The following CSMD1 variants were observed in gnomAD, a reference collection of about 807,000 sequenced individuals.
CSMD1 encodes CUB and sushi domain-containing protein 1.
In CSMD1, 213 loss-of-function variants were observed where a neutral mutation model predicts 417.5. That is an observed-to-expected ratio of 0.51 (90% CI 0.46 to 0.57). The LOEUF (loss-of-function observed/expected upper bound fraction) is 0.57, where lower values mean the gene tolerates loss of function less well. CSMD1 is among the 20% of genes least tolerant of loss of function. CSMD1 has a pLI of 0.00. For missense variants in CSMD1, 6,923 were observed against 4,529.7 expected (o/e 1.53, Z -15.17); for synonymous variants, 2,862 against 1,736.8 (o/e 1.65, Z -16.11).
At chr8:4,329,138 T>C (rs577670331) in intron 3 of CSMD1, among the ~76,000 whole-genome samples, 6 of 152,320 alleles carry the variant, frequency 3.9e-5, no homozygotes, top group African/African-American at 1.4e-4. Context: ...AAACGTGTGT[T>C]ATCTGTCTTG....
chr8:3,597,262 G>A (rs777698319), intron 8 of CSMD1, among the ~76,000 whole-genome samples: 6 of 152,108 alleles, frequency 3.9e-5, no homozygotes, highest in African/African-American at 1.4e-4. Context: ...TAGAGGCACC[G>A]GTGAGACAGA....
chr8:2,956,677 C>T (rs928521127), intron 63 of CSMD1, among the ~76,000 whole-genome samples: 13 of 151,886 alleles, frequency 8.6e-5, no homozygotes, highest in Non-Finnish European at 1.5e-4. Context: ...AGGATGGTCT[C>T]GATCTCCTGA....
chr8:3,583,441 A>G (rs1387877896), intron 9 of CSMD1, among the ~76,000 whole-genome samples: 1 of 151,960 alleles, frequency 6.6e-6, no homozygotes, highest in East Asian at 1.9e-4. Flanking sequence ...AAAGAGCTAG[A>G]GATATTCCTG....
chr8:3,390,249 G>A (rs1811266718), intron 17 of CSMD1, among the ~76,000 whole-genome samples: 1 of 150,922 alleles, frequency 6.6e-6, no homozygotes, highest in Non-Finnish European at 1.5e-5. Flanking sequence ...CAGCTACTTG[G>A]GAGGCTGAGT....
chr8:3,871,636 A>C (rs928290766), intron 5 of CSMD1, among the ~76,000 whole-genome samples: 4 of 152,078 alleles, frequency 2.6e-5, no homozygotes, highest in African/African-American at 9.7e-5. Context: ...ATTTTTTCTC[A>C]CTTTACCATT....
At chr8:4,263,536 G>A (rs924950496) in intron 3 of CSMD1, among the ~76,000 whole-genome samples, 2 of 152,076 alleles carry the variant, frequency 1.3e-5, no homozygotes, top group African/African-American at 2.4e-5. Context: ...CTTGATATTA[G>A]CTACTTTGAT....
At chr8:3,394,835 G>C (rs189217770) in intron 17 of CSMD1, among the ~76,000 whole-genome samples, 1 of 152,082 alleles carries the variant, frequency 6.6e-6, no homozygotes, top group South Asian at 2.1e-4. Context: ...AGCAAATGTT[G>C]TATATCTATA....
chr8:3,815,144 C>G (rs1057440922), intron 5 of CSMD1, among the ~76,000 whole-genome samples: 7 of 152,012 alleles, frequency 4.6e-5, no homozygotes, highest in African/African-American at 1.4e-4. Context: ...AGTATTTCTC[C>G]CAGATATAGG....
At chr8:4,645,807 A>G (rs750106309) in intron 1 of CSMD1, among the ~76,000 whole-genome samples, 2 of 152,144 alleles carry the variant, frequency 1.3e-5, no homozygotes, top group African/African-American at 2.4e-5. Context: ...TGTCCTTTAG[A>G]TTCCGGGACA....
intron 3 of CSMD1, among the ~76,000 whole-genome samples, chr8:4,273,653 C>T (rs1160534481): frequency 6.6e-6 from 1 of 152,060 alleles, no homozygotes; most frequent in Non-Finnish European, 1.5e-5. Flanking sequence ...TAATAGAGAG[C>T]AGTAATCTGT....
intron 26 of CSMD1, among the ~76,000 whole-genome samples, chr8:3,249,755 GT>G (rs5888955): frequency 0.81 from 123,202 of 152,000 alleles, 50,727 homozygotes; most frequent in Non-Finnish European, 0.89. Flanking sequence ...GTTTATTTCC[GT>G]TTTTTTTAAA....
intron 5 of CSMD1, among the ~76,000 whole-genome samples, chr8:3,962,919 A>C (rs1026551991): frequency 3.3e-5 from 5 of 152,154 alleles, no homozygotes; most frequent in African/African-American, 1.2e-4. Context: ...TTTTTCCACA[A>C]AACTTTTCAC....
At chr8:3,727,774 ATT>A (rs956705515) in intron 6 of CSMD1, among the ~76,000 whole-genome samples, 14 of 152,336 alleles carry the variant, frequency 9.2e-5, no homozygotes, top group African/African-American at 3.1e-4. Context: ...ATCGGTTATA[ATT>A]TAGTCTTAAA....
chr8:4,911,965 C>G (rs1019050656), intron 1 of CSMD1, among the ~76,000 whole-genome samples: 1 of 151,648 alleles, frequency 6.6e-6, no homozygotes. Flanking sequence ...CCAGAAAGTT[C>G]AGTTTAATAA....
chr8:4,299,305 A>G (rs1797855115), intron 3 of CSMD1, among the ~76,000 whole-genome samples: 2 of 152,174 alleles, frequency 1.3e-5, no homozygotes, highest in South Asian at 4.1e-4. Context: ...CATCACCCCC[A>G]GAGAACGCAC....
intron 3 of CSMD1, among the ~76,000 whole-genome samples, chr8:4,221,665 G>A (rs1021768824): frequency 1.2e-4 from 19 of 152,138 alleles, no homozygotes; most frequent in African/African-American, 3.1e-4. Flanking sequence ...TACTTGACAG[G>A]AGAGGCACTG....
chr8:4,851,962 T>C (rs1346976907), intron 1 of CSMD1, among the ~76,000 whole-genome samples: 2 of 152,134 alleles, frequency 1.3e-5, no homozygotes, highest in African/African-American at 4.8e-5. Context: ...AAACCACTAG[T>C]CTAAGTTTTT....
At chr8:4,672,071 G>T (rs1805366199) in intron 1 of CSMD1, among the ~76,000 whole-genome samples, 2 of 152,170 alleles carry the variant, frequency 1.3e-5, no homozygotes, top group Non-Finnish European at 2.9e-5. Flanking sequence ...GAAAGATAGA[G>T]TTTCCTTTAA....
intron 10 of CSMD1, chr8:3,515,356 T>C (rs904348752): frequency 6.6e-6 from 1 of 152,242 alleles, no homozygotes; most frequent in Non-Finnish European, 1.5e-5. Context: ...AGATCACCAC[T>C]GTGCAAGATC....
Sources: allele counts gnomAD v4.1 joint callset (sites outside exome capture counted in the v4.1 genomes callset), GRCh38; gene constraint gnomAD v4.1.1; transcripts MANE v1.5; gene names NCBI Gene and HGNC (gene_info 2026-07-23, HGNC 2026-07-21).